Variants in GRID2 observed in about 807,000 individuals in gnomAD.
GRID2 encodes the protein glutamate ionotropic receptor delta type subunit 2.
In GRID2, 33 loss-of-function variants were observed where a neutral mutation model predicts 114.8. The observed-to-expected ratio is 0.29, with a 90% CI of 0.22 to 0.38. The LOEUF (loss-of-function observed/expected upper bound fraction) is 0.38. Among genes scored for constraint, GRID2 ranks in the 10% least tolerant of loss-of-function variants. The pLI is 1.00. For missense variants in GRID2, 1,184 were observed against 1,257.7 expected, an observed-to-expected ratio of 0.94 and a Z score of 0.89; for synonymous variants, 505 against 449.9, an observed-to-expected ratio of 1.12 and a Z score of -1.55.
intron 1 of GRID2, among the ~76,000 whole-genome samples, chr4:92,435,520 A>G (rs1732693694): frequency 6.6e-6 from 1 of 152,186 alleles, no homozygotes; most frequent in African/African-American, 2.4e-5. Flanking sequence ...GTCTGTCTGG[A>G]ATGAGACCCT....
At chr4:92,463,258 A>AT (rs967647193) in intron 1 of GRID2, among the ~76,000 whole-genome samples, 4 of 151,828 alleles carry the variant, frequency 2.6e-5, no homozygotes, top group African/African-American at 9.7e-5. Flanking sequence ...CAAAGGAAGG[A>AT]TTTTGCTCTT....
At position 92,830,713 on chromosome 4, in the gene GRID2, T is replaced by C. The variant is rs151048217; in HGVS notation, c.244+240427T>C. 5.7e-3 allele frequency among the ~76,000 whole-genome samples: 874 copies of C among 152,328 alleles called. 12 individuals carry two copies. Among genetic ancestry groups the C allele is most frequent in the African/African-American group, 0.02 (835 of 41,578 alleles). On this transcript the variant is annotated intron_variant, in intron 2 of 15. Transcript: ENST00000282020. ...CTAAGAGATTCTTCATAGTTTTATT[T>C]TTTAAGTTGTTTTCTTTCTAATTTT...
Position 92,613,844 on chromosome 4 carries a change from A to G in GRID2, c.244+23558A>G, listed in dbSNP as rs72882156. ...TTTGTGTTTCTTTTTTATTTCACTG[A>G]TTTTGCTCTTTATTATTTCCTTACT... On this transcript the variant is annotated intron_variant, in intron 2 of 15. Coordinates refer to ENST00000282020, the MANE Select transcript of GRID2 (RefSeq NM_001510.4). 8.7e-3 allele frequency among the ~76,000 whole-genome samples: 1,310 copies of G among 150,710 alleles called. 22 individuals carry two copies. Among genetic ancestry groups the G allele is most frequent in the African/African-American group, 0.03 (1,244 of 41,204 alleles).
At chr4:92,486,916 C>T (rs1473806460) in intron 1 of GRID2, among the ~76,000 whole-genome samples, 2 of 151,924 alleles carry the variant, frequency 1.3e-5, no homozygotes, top group Non-Finnish European at 2.9e-5. Flanking sequence ...CCCAAAGGAA[C>T]GTTTAATTAT....
Position 93,772,797 on chromosome 4 carries a change from G to C in GRID2, c.*299G>C. ...TTCATATACTGTACATCAAGTATAGGAAATGTGCACTGAGTATACTAAAAG... is the reference window on the plus strand; with the variant it reads ...TTCATATACTGTACATCAAGTATAGCAAATGTGCACTGAGTATACTAAAAG... On this transcript the variant is annotated 3_prime_UTR_variant, in exon 16 of 16. Coordinates refer to ENST00000282020, the MANE Select transcript of GRID2 (RefSeq NM_001510.4). The C allele has an allele frequency of 3.1e-6, 1 of 321,180 alleles. No individual in the cohort carries two copies. Among genetic ancestry groups the C allele is most frequent in the Non-Finnish European group, 5.7e-6 (1 of 176,308 alleles). 19.9% of individuals were successfully genotyped at this position (321,180 alleles called of 1,614,324 possible). A position where few individuals can be genotyped will look rare whatever the true frequency, so the allele number is the denominator to read the frequency against.
intron 2 of GRID2, among the ~76,000 whole-genome samples, chr4:92,657,954 C>T (rs62309213): frequency 0.081 from 11,120 of 137,324 alleles, 467 homozygotes; most frequent in East Asian, 0.18. Context: ...AGAAAGAAGA[C>T]ACAATTTCTG....
intron 2 of GRID2, among the ~76,000 whole-genome samples, chr4:92,598,980 AAGAT>A (rs1331801354): frequency 6.6e-6 from 1 of 150,708 alleles, no homozygotes; most frequent in Non-Finnish European, 1.5e-5. Flanking sequence ...TTTCCTTACC[AAGAT>A]TTTGAGTGCT....
intron 1 of GRID2, among the ~76,000 whole-genome samples, chr4:92,408,270 T>TTCTAGATTC (rs767008451): frequency 4.3e-4 from 65 of 152,034 alleles, no homozygotes; most frequent in Non-Finnish European, 5.6e-4. Flanking sequence ...GTGGGTTTAT[T>TTCTAGATTC]TCTAGATTCT....
At chr4:93,632,450 C>T (rs898465242) in intron 14 of GRID2, among the ~76,000 whole-genome samples, 12 of 152,118 alleles carry the variant, frequency 7.9e-5, no homozygotes, top group African/African-American at 2.7e-4. Flanking sequence ...ACCAGTTTTC[C>T]CAGCACCATT....
chr4:93,332,299 TGAGAGA>T (rs10596544), intron 8 of GRID2, among the ~76,000 whole-genome samples: 68 of 121,038 alleles, frequency 5.6e-4, no homozygotes, highest in South Asian at 1.2e-3. Context: ...TGTGTGTGTG[TGAGAGA>T]GAGAGAGAGA....
intron 1 of GRID2, among the ~76,000 whole-genome samples, chr4:92,487,174 A>G (rs184429113): frequency 6.6e-6 from 1 of 151,772 alleles, no homozygotes; most frequent in African/African-American, 2.4e-5. Flanking sequence ...TCATTGATTT[A>G]TTTCTCATTT....
intron 10 of GRID2, among the ~76,000 whole-genome samples, chr4:93,429,699 T>A (rs1367706291): frequency 6.6e-6 from 1 of 152,168 alleles, no homozygotes; most frequent in East Asian, 1.9e-4. Flanking sequence ...AAAGGAGGAA[T>A]AAGTGGACTA....
At position 92,616,131 on chromosome 4, in the gene GRID2, G is replaced by A. The variant is rs115856404; in HGVS notation, c.244+25845G>A. Among the ~76,000 whole-genome samples, 1,229 of 151,732 alleles carry A rather than the reference G, an allele frequency of 8.1e-3. 17 individuals carry two copies. The highest frequency in any genetic ancestry group is 0.028 in the African/African-American group (1,150 of 41,478). On this transcript the variant is annotated intron_variant, in intron 2 of 15. Coordinates refer to ENST00000282020, the MANE Select transcript of GRID2 (RefSeq NM_001510.4). ...GTCTGATTTCATTTCCTTTCAGAAT[G>A]AGTGCTGCTGTAGTGTTTATTGGAA... is the stretch of plus-strand genomic sequence containing the variant.
intron 1 of GRID2, among the ~76,000 whole-genome samples, chr4:93,784,686 C>T (rs1480356308): frequency 6.7e-6 from 1 of 149,060 alleles, no homozygotes; most frequent in Non-Finnish European, 1.5e-5. Flanking sequence ...CACGGTATCG[C>T]AGAACATACA....
chr4:93,023,073 T>G (rs1184565208), intron 2 of GRID2, among the ~76,000 whole-genome samples: 4 of 151,208 alleles, frequency 2.6e-5, no homozygotes, highest in Admixed American at 1.3e-4. Context: ...AAGATTAAAT[T>G]GGGTGGCCAC....
At chr4:93,648,195 T>C (rs1320599992) in intron 14 of GRID2, among the ~76,000 whole-genome samples, 1 of 152,130 alleles carries the variant, frequency 6.6e-6, no homozygotes, top group Non-Finnish European at 1.5e-5. Context: ...GAGTATGATA[T>C]TGGTTTAGCT....
intron 2 of GRID2, among the ~76,000 whole-genome samples, chr4:92,777,702 A>ACT (rs1738877608): frequency 6.6e-6 from 1 of 151,558 alleles, no homozygotes; most frequent in East Asian, 1.9e-4. Context: ...TCCTTATAAG[A>ACT]AGAGGAAGAG....
chr4:93,798,383 A>T (rs1734850597), intron 1 of GRID2, among the ~76,000 whole-genome samples: 1 of 152,094 alleles, frequency 6.6e-6, no homozygotes, highest in Non-Finnish European at 1.5e-5. Context: ...GACAATAAGC[A>T]TCTTACTAGA....
intron 2 of GRID2, among the ~76,000 whole-genome samples, chr4:92,805,831 A>G (rs1740384475): frequency 6.6e-6 from 1 of 151,862 alleles, no homozygotes; most frequent in African/African-American, 2.4e-5. Flanking sequence ...CCTCTTTTTG[A>G]CACTTCTCAT....
Sources: allele counts gnomAD v4.1 joint callset (sites outside exome capture counted in the v4.1 genomes callset), GRCh38; gene constraint gnomAD v4.1.1; transcripts MANE v1.5; gene names NCBI Gene and HGNC (gene_info 2026-07-23, HGNC 2026-07-21).